Variants in CUX1 observed in about 807,000 individuals in gnomAD.
CUX1 encodes the protein protein CASP.
A neutral mutation model predicts 158.8 loss-of-function variants in CUX1; 31 were observed. That is an observed-to-expected ratio of 0.20 (90% CI 0.15 to 0.26). The LOEUF is 0.26. Among genes scored for constraint, CUX1 ranks in the 10% least tolerant of loss-of-function variants. The pLI is 1.00. For missense variants in CUX1, 1,589 were observed against 2,014.6 expected, an observed-to-expected ratio of 0.79 and a Z score of 4.04; for synonymous variants, 879 against 862.1, an observed-to-expected ratio of 1.02 and a Z score of -0.34.
chr7:102,137,327 C>T (rs1454957836), intron 8 of CUX1, among the ~76,000 whole-genome samples: 2 of 152,084 alleles, frequency 1.3e-5, no homozygotes, highest in Non-Finnish European at 2.9e-5. Context: ...AAAGTAATTG[C>T]GGTTTTTGCC....
intron 1 of CUX1, among the ~76,000 whole-genome samples, chr7:101,821,572 T>TA (rs1328565777): frequency 6.6e-6 from 1 of 151,334 alleles, no homozygotes; most frequent in Non-Finnish European, 1.5e-5. Flanking sequence ...TCTCCTCACT[T>TA]AGTGATCCGC....
At chr7:102,158,476 C>A in intron 8 of CUX1, 84 bp from the exon 9 acceptor site, 1 of 1,423,330 alleles carries the variant, frequency 7.0e-7, no homozygotes, top group Non-Finnish European at 9.9e-7. Flanking sequence ...CTTCCCGAGC[C>A]CTGAGCTAGG....
intron 8 of CUX1, among the ~76,000 whole-genome samples, chr7:102,133,754 C>T (rs548581939): frequency 2.0e-5 from 3 of 152,204 alleles, no homozygotes; most frequent in East Asian, 1.9e-4. Context: ...GGACTACAGG[C>T]GTGAGCCACC....
At chr7:101,823,491 A>T (rs890859970) in intron 1 of CUX1, among the ~76,000 whole-genome samples, 2 of 152,212 alleles carry the variant, frequency 1.3e-5, no homozygotes, top group African/African-American at 4.8e-5. Context: ...CGACTCCATC[A>T]GCCGAAGCTT....
At chr7:101,889,730 C>A (rs1800654717) in intron 1 of CUX1, among the ~76,000 whole-genome samples, 1 of 152,210 alleles carries the variant, frequency 6.6e-6, no homozygotes, top group Non-Finnish European at 1.5e-5. Flanking sequence ...CGAGATCACA[C>A]CGCTGCACTC....
chr7:101,828,673 C>T (rs1380123792), intron 1 of CUX1, among the ~76,000 whole-genome samples: 2 of 150,616 alleles, frequency 1.3e-5, no homozygotes, highest in African/African-American at 4.9e-5. Context: ...TCCAGGTCGG[C>T]CCCATTTCAG....
chr7:101,817,748 G>T lies in CUX1; in HGVS notation c.30+79G>T. 6.6e-7 allele frequency: 1 copy of T among 1,521,726 alleles called. No individual in the cohort carries two copies. The allele number at this position is 1,521,726 out of a possible 1,614,324, so 94.3% of individuals were successfully genotyped here. ...GGATGTCGGGGGGTGCCCGGGTCCC[G>T]CGGCTTAGAATGCTCTAGGGCGGCC... On this transcript the variant is annotated intron_variant, in intron 1 of 23. Coordinates refer to ENST00000292535, the MANE Select transcript of CUX1 (RefSeq NM_181552.4). The surrounding 1 kb of genome is among the most constrained non-coding windows in gnomAD (Gnocchi z 4.1).
intron 1 of CUX1, among the ~76,000 whole-genome samples, chr7:101,889,638 G>A (rs908282809): frequency 6.6e-6 from 1 of 152,146 alleles, no homozygotes; most frequent in Non-Finnish European, 1.5e-5. Flanking sequence ...TGGGCCTGGT[G>A]GTGAGCACCT....
At chr7:102,195,670 G>T in intron 14 of CUX1, 67 bp downstream of exon 14, 1 of 1,423,420 alleles carries the variant, frequency 7.0e-7, no homozygotes, top group Non-Finnish European at 9.6e-7. Context: ...CGAGGACGAG[G>T]AAGGTGAATC....
At chr7:101,820,898 A>T (rs1792396373) in intron 1 of CUX1, among the ~76,000 whole-genome samples, 1 of 152,148 alleles carries the variant, frequency 6.6e-6, no homozygotes, top group African/African-American at 2.4e-5. Context: ...CTTTTCACTT[A>T]TAGCCATTCG....
At chr7:101,933,662 G>T (rs112711124) in intron 2 of CUX1, among the ~76,000 whole-genome samples, 12 of 152,088 alleles carry the variant, frequency 7.9e-5, no homozygotes, top group Non-Finnish European at 2.9e-5. Context: ...GTAGGTTTTC[G>T]ATTTCTTACC....
At position 102,282,795 on chromosome 7, in the gene CUX1, G is replaced by GC. The variant is rs543924533; in HGVS notation, c.1967+26dup. On this transcript the variant is annotated intron_variant, in intron 22 of 22. Transcript: ENST00000292538. ...CCAAGAAGTGAGGACCCCCACTTGG[G>GC]CCCCCCCTCAGCCCCACAGCGAGCT... 9.5e-4 allele frequency: 1,522 copies of GC among 1,595,954 alleles called. 2 individuals are homozygous for GC. The highest frequency in any genetic ancestry group is 1.7e-3 in the Middle Eastern group (10 of 5,718).
chr7:101,833,481 G>A (rs1324214120), intron 1 of CUX1, among the ~76,000 whole-genome samples: 1 of 149,832 alleles, frequency 6.7e-6, no homozygotes, highest in African/African-American at 2.5e-5. Context: ...CTTGAGCCCA[G>A]GAGTTGGAAG....
chr7:101,860,290 A>G (rs1321427535), intron 1 of CUX1, among the ~76,000 whole-genome samples: 1 of 152,112 alleles, frequency 6.6e-6, no homozygotes, highest in African/African-American at 2.4e-5. Flanking sequence ...TCAGTTCCAA[A>G]CTATTGGCCT....
intron 2 of CUX1, among the ~76,000 whole-genome samples, chr7:101,990,933 C>T (rs968101158): frequency 1.3e-5 from 2 of 152,214 alleles, no homozygotes; most frequent in African/African-American, 4.8e-5. Flanking sequence ...ATAAAAGCCA[C>T]AGGAGGGTTT....
intron 23 of CUX1, among the ~76,000 whole-genome samples, chr7:102,245,163 C>T (rs1800673923): frequency 6.6e-6 from 1 of 152,180 alleles, no homozygotes; most frequent in South Asian, 2.1e-4. Context: ...CCATCTGAGC[C>T]TCAGGAGTAG....
chr7:102,233,142 G>A (rs182936412), intron 21 of CUX1, among the ~76,000 whole-genome samples: 61 of 151,230 alleles, frequency 4.0e-4, no homozygotes, highest in African/African-American at 1.1e-3. Flanking sequence ...AGGTGTTAGC[G>A]TGACCTCAGC....
At chr7:102,106,577 T>G (rs1203461354) in intron 6 of CUX1, among the ~76,000 whole-genome samples, 1 of 152,190 alleles carries the variant, frequency 6.6e-6, no homozygotes, top group Non-Finnish European at 1.5e-5. Context: ...TTACCACCCC[T>G]TTCCACAGCA....
chr7:102,280,419 C>T (rs1224657698), intron 19 of CUX1, among the ~76,000 whole-genome samples: 2 of 152,194 alleles, frequency 1.3e-5, no homozygotes, highest in Non-Finnish European at 2.9e-5. Context: ...ACCGGGTTAA[C>T]CTGGAGTGCA....
Sources: gnomAD v4.1 joint callset for allele counts (sites outside exome capture counted in the v4.1 genomes callset) on GRCh38, gnomAD v4.1.1 for gene constraint, Gnocchi (gnomAD v3.1) non-coding constraint, MANE v1.5 for transcripts, NCBI Gene and HGNC (gene_info 2026-07-23, HGNC 2026-07-21) for gene names.